The following FAM177B variants were observed in gnomAD, a reference collection of about 807,000 sequenced individuals.
FAM177B encodes the protein family with sequence similarity 177 member B, also known as protein FAM177B.
FAM177B carries 16 observed loss-of-function variants against 16.1 expected under a neutral mutation model. The observed-to-expected ratio is 0.99, with a 90% CI of 0.67 to 1.51. FAM177B has a LOEUF of 1.51. Among genes scored for constraint, FAM177B ranks in the 40% most tolerant of loss-of-function variants. FAM177B has a pLI of 0.00. For synonymous variants in FAM177B, 56 were observed against 59.9 expected (o/e 0.93, Z 0.30); for missense variants, 178 against 183.7 (o/e 0.97, Z 0.18).
Position 222,747,271 on chromosome 1 carries a change from A to C in FAM177B, c.241+190A>C. 1.3e-5 allele frequency: 7 copies of C among 531,478 alleles called. No individual in the cohort carries two copies. The South Asian group carries it at 1.9e-4, about 15-fold the overall frequency. 32.9% of individuals were successfully genotyped at this position (531,478 alleles called of 1,614,324 possible). Reference sequence around the variant, plus strand: ...CAGGCAGACCCTTCATCTTTTACCAACTCTCATCAGGAAATTCTTATCTCG... The same window carrying C: ...CAGGCAGACCCTTCATCTTTTACCACCTCTCATCAGGAAATTCTTATCTCG... On this transcript the variant is annotated intron_variant, in intron 4 of 5. Transcript: ENST00000445590.
chr1:222,748,666 T>A (rs971976652), intron 4 of FAM177B, among the ~76,000 whole-genome samples: 10 of 152,198 alleles, frequency 6.6e-5, no homozygotes, highest in South Asian at 6.2e-4. Flanking sequence ...AATATTTTTT[T>A]AAAAAGTTAT....
chr1:222,743,078 T>C (rs976307221), intron 2 of FAM177B, among the ~76,000 whole-genome samples: 5 of 152,194 alleles, frequency 3.3e-5, no homozygotes, highest in African/African-American at 4.8e-5. Flanking sequence ...AGATGCCTAA[T>C]TTCTTCATGT....
At chr1:222,743,137 CTTTGTTTTTGTT>C (rs376849610) in intron 2 of FAM177B, among the ~76,000 whole-genome samples, 1 of 151,874 alleles carries the variant, frequency 6.6e-6, no homozygotes. Flanking sequence ...CATTTGTTGG[CTTTGTTTTTGTT>C]TTTGTTTTTG....
In FAM177B at chr1:222,737,668, T is replaced by C. The variant is rs536871244; in HGVS notation, c.-133-236T>C. Among the ~76,000 whole-genome samples the C allele has an allele frequency of 1.4e-4, 21 of 152,250 alleles. No individual in the cohort carries two copies. The South Asian group carries it at 4.3e-3, about 32-fold the overall frequency. On this transcript the variant is annotated intron_variant, in intron 1 of 5. Coordinates refer to ENST00000445590, the MANE Select transcript of FAM177B (RefSeq NM_001394345.1). ...CCATTATGAGGAGTTTGGCTTTTACTCTAGGTGAGACGGGAACCCACTGGA... is the reference window on the plus strand; with the variant it reads ...CCATTATGAGGAGTTTGGCTTTTACCCTAGGTGAGACGGGAACCCACTGGA...
intron 3 of FAM177B, 133 bp from the exon 4 acceptor site, chr1:222,746,882 T>C (rs756141837): frequency 2.3e-6 from 2 of 888,566 alleles, no homozygotes; most frequent in Non-Finnish European, 1.8e-6. Flanking sequence ...ATTTTAATCA[T>C]CTTGGTCTCT....
intron 5 of FAM177B, 71 bp from the exon 6 acceptor site, chr1:222,749,850 A>G: frequency 1.3e-6 from 2 of 1,488,544 alleles, no homozygotes; most frequent in Non-Finnish European, 9.4e-7. Context: ...CATGGGCATT[A>G]TATACAAGAG....
In FAM177B at chr1:222,746,678, G is replaced by GAGGAAA; in HGVS notation, c.138_143dup (p.Lys47_Glu48dup). 6.2e-7 allele frequency: 1 copy of GAGGAAA among 1,613,734 alleles called. No homozygotes were observed. Among genetic ancestry groups the GAGGAAA allele is most frequent in the Middle Eastern group, 1.7e-4 (1 of 6,060 alleles). On this transcript the variant is annotated inframe_insertion, in exon 3 of 6. Coordinates refer to ENST00000445590, the MANE Select transcript of FAM177B (RefSeq NM_001394345.1). ...ATATAGCACAGAGGAGGAGGAGGAAGAGGAAAAGGAGGAGCAGAGCACAAA... is the reference window on the plus strand; with the variant it reads ...ATATAGCACAGAGGAGGAGGAGGAAGAGGAAAAGGAAAAGGAGGAGCAGAGCACAAA...
At position 222,750,116 on chromosome 1, in the gene FAM177B, C is replaced by T; in HGVS notation, c.*58C>T. 9 of 1,584,972 alleles carry T rather than the reference C, an allele frequency of 5.7e-6. No individual in the cohort carries two copies. The highest frequency in any genetic ancestry group is 7.7e-6 in the Non-Finnish European group (9 of 1,168,466). On this transcript the variant is annotated 3_prime_UTR_variant, in exon 6 of 6. Coordinates refer to ENST00000445590, the MANE Select transcript of FAM177B (RefSeq NM_001394345.1). ...TCCTAGCTCATGATGGCAGCAAAGA[C>T]TGCAGTTTCCCTGGATCTGTTCCTT...
At chr1:222,749,883 T>C (rs1658979510) in intron 5 of FAM177B, 38 bp from the exon 6 acceptor site, 1 of 1,610,848 alleles carries the variant, frequency 6.2e-7, no homozygotes, top group Non-Finnish European at 8.5e-7. Context: ...GGTCTTTGTT[T>C]GTACAGTTAA....
At chr1:222,741,049 T>C (rs1275670215) in intron 2 of FAM177B, among the ~76,000 whole-genome samples, 2 of 131,108 alleles carry the variant, frequency 1.5e-5, no homozygotes, top group Admixed American at 8.3e-5. Flanking sequence ...CATCTTACTT[T>C]TTGTTTTCTT....
chr1:222,740,011 A>G (rs1203001907), intron 2 of FAM177B, among the ~76,000 whole-genome samples: 2 of 152,184 alleles, frequency 1.3e-5, no homozygotes, highest in Non-Finnish European at 2.9e-5. Flanking sequence ...CTAAATGATA[A>G]TACCTCTTCC....
intron 1 of FAM177B, among the ~76,000 whole-genome samples, chr1:222,737,673 G>A (rs1219088734): frequency 1.3e-5 from 2 of 152,146 alleles, no homozygotes; most frequent in Non-Finnish European, 2.9e-5. Flanking sequence ...TTTACTCTAG[G>A]TGAGACGGGA....
chr1:222,738,564 CAAAAAAAA>C (rs71175182), intron 2 of FAM177B, among the ~76,000 whole-genome samples: 10 of 61,846 alleles, frequency 1.6e-4, no homozygotes, highest in Non-Finnish European at 2.7e-4. Context: ...ACAAAAACTG[CAAAAAAAA>C]AAAAAAAAAG....
chr1:222,738,441 G>A (rs192257715), intron 2 of FAM177B, among the ~76,000 whole-genome samples: 5 of 151,912 alleles, frequency 3.3e-5, no homozygotes, highest in East Asian at 3.9e-4. Flanking sequence ...AAACTGAGCC[G>A]GGCGCAGTGG....
chr1:222,738,953 T>C (rs1658407509), intron 2 of FAM177B, among the ~76,000 whole-genome samples: 1 of 152,146 alleles, frequency 6.6e-6, no homozygotes, highest in African/African-American at 2.4e-5. Flanking sequence ...TCCACTCCCC[T>C]CCAACCTCCC....
chr1:222,745,600 GAGAA>G (rs1243817955), intron 2 of FAM177B, among the ~76,000 whole-genome samples: 2 of 149,884 alleles, frequency 1.3e-5, no homozygotes, highest in Non-Finnish European at 3.0e-5. Context: ...CTGGGTGACA[GAGAA>G]AGACTCTGTC....
rs556043212 is a variant in FAM177B, at chr1:222,750,785, A to G, written c.*727A>G. The G allele has an allele frequency of 9.5e-5, 16 of 167,746 alleles. No homozygotes were observed. Among genetic ancestry groups the G allele is most frequent in the Non-Finnish European group, 2.3e-5 (2 of 86,398 alleles). The allele number at this position is 167,746 out of a possible 1,614,324, so 10.4% of individuals were successfully genotyped here. ...GTGCTGGCCAAAGTAACTGTGATAC[A>G]TTAATAGCAAAAAACAAACCAAAAA... On this transcript the variant is annotated 3_prime_UTR_variant, in exon 6 of 6. Transcript: ENST00000445590.
In FAM177B at chr1:222,750,063, C is replaced by T; in HGVS notation, c.*5C>T. ...ACAGAGGCCATTCCTCAGTGAAGCA[C>T]CTCATCCAGGGAGGGTCTGGTGGCA... On this transcript the variant is annotated 3_prime_UTR_variant, in exon 6 of 6. Coordinates refer to ENST00000445590, the MANE Select transcript of FAM177B (RefSeq NM_001394345.1). 6.2e-7 allele frequency: 1 copy of T among 1,611,772 alleles called. No homozygotes were observed. Among genetic ancestry groups the T allele is most frequent in the Non-Finnish European group, 8.5e-7 (1 of 1,179,238 alleles).
rs1055570965 is a variant in FAM177B at position 222,737,897 on chromosome 1, C to T, written c.-133-7C>T. On this transcript the variant is annotated splice_polypyrimidine_tract_variant and splice_region_variant and intron_variant, in intron 1 of 5. Transcript: ENST00000445590. Reference sequence around the variant, plus strand: ...TTCCAGAAATATCCAAGACAATTTCCTGGCAGATTTGATGTGAGGTGTGAT... The same window carrying T: ...TTCCAGAAATATCCAAGACAATTTCTTGGCAGATTTGATGTGAGGTGTGAT... 3 of 152,138 alleles carry T rather than the reference C, an allele frequency of 2.0e-5. No homozygotes were observed. Among genetic ancestry groups the T allele is most frequent in the African/African-American group, 7.2e-5 (3 of 41,406 alleles). 9.4% of individuals were successfully genotyped at this position (152,138 alleles called of 1,614,324 possible). A position where few individuals can be genotyped will look rare whatever the true frequency, so the allele number is the denominator to read the frequency against.
Sources: gnomAD v4.1 joint callset for allele counts (sites outside exome capture counted in the v4.1 genomes callset) on GRCh38, gnomAD v4.1.1 for gene constraint, MANE v1.5 for transcripts, NCBI Gene and HGNC (gene_info 2026-07-23, HGNC 2026-07-21) for gene names.